The following EIF3M variants were observed in gnomAD, a reference collection of about 807,000 sequenced individuals.
EIF3M encodes the protein B5 receptor.
Under a neutral mutation model 49.7 loss-of-function variants are expected in EIF3M, and 25 were observed. That is an observed-to-expected ratio of 0.50 (90% CI 0.37 to 0.70). EIF3M has a LOEUF of 0.70. Ranked by LOEUF, EIF3M falls within the 30% of genes least tolerant of loss-of-function variation. The pLI is 0.00. For synonymous variants in EIF3M, 156 were observed against 149.8 expected (o/e 1.04, Z -0.30); for missense variants, 350 against 440.0 (o/e 0.80, Z 1.83).
rs922708015 is a variant in EIF3M at position 32,605,334 on chromosome 11, A to G, written c.*2935A>G. 1.3e-5 allele frequency: 2 copies of G among 151,870 alleles called. No homozygotes were observed. Among genetic ancestry groups the G allele is most frequent in the African/African-American group, 4.8e-5 (2 of 41,334 alleles). The allele number at this position is 151,870 out of a possible 1,614,324, so 9.4% of individuals were successfully genotyped here. On this transcript the variant is annotated 3_prime_UTR_variant, in exon 11 of 11. Coordinates refer to ENST00000531120, the MANE Select transcript of EIF3M (RefSeq NM_006360.6). ...TGATCTTTGGGGTGATTCTTTGTTC[A>G]TATTTATCTGATTGGCTTTGTTCTT...
In EIF3M at chr11:32,604,079, T is replaced by C. The variant is rs927022340; in HGVS notation, c.*1680T>C. 1 of 152,052 alleles carries C rather than the reference T, an allele frequency of 6.6e-6. No homozygotes were observed. Among genetic ancestry groups the C allele is most frequent in the African/African-American group, 2.4e-5 (1 of 41,384 alleles). The allele number at this position is 152,052 out of a possible 1,614,324, so 9.4% of individuals were successfully genotyped here. On this transcript the variant is annotated 3_prime_UTR_variant, in exon 11 of 11. Transcript: ENST00000531120. ...GAGACCCTCTCTCAAAAATAAATAA[T>C]AGATAAAACAAAAGGAATACTGAAT...
At chr11:32,594,654 GCTTA>G in intron 6 of EIF3M, 1 of 313,494 alleles carries the variant, frequency 3.2e-6, no homozygotes, top group South Asian at 5.1e-5. Context: ...TTCTGCTGCT[GCTTA>G]CTATTTGATT....
chr11:32,602,846 CTGCTTT>C lies in EIF3M; in HGVS notation c.*449_*454del. On this transcript the variant is annotated 3_prime_UTR_variant, in exon 11 of 11. Transcript: ENST00000531120. ...CTGTTGTTTTTTTCCAACGTCTCTTCTGCTTTTCTTTTCTTTGGCTGGTTGTCATTT... is the reference window on the plus strand; with the variant it reads ...CTGTTGTTTTTTTCCAACGTCTCTTCTCTTTTCTTTGGCTGGTTGTCATTT... 5 of 1,608,364 alleles carry C rather than the reference CTGCTTT, an allele frequency of 3.1e-6. No individual in the cohort carries two copies. Among genetic ancestry groups the C allele is most frequent in the Non-Finnish European group, 4.2e-6 (5 of 1,177,722 alleles).
Position 32,589,568 on chromosome 11 carries a change from T to C in EIF3M, c.460T>C (p.Trp154Arg). ...GTAGGTTAGAAAATGGATTTCTGAC[T>C]GGAATCTCACCACTGAAAAAAAGCA... ...LDQVRKWISDWNLTTEKKHTL... is the reference protein window; with the variant it reads ...LDQVRKWISDRNLTTEKKHTL... Residue 154 changes from tryptophan (W) to arginine (R), a missense_variant, in exon 5 of 11, where the codon TGG (tryptophan) becomes CGG (arginine). By Grantham distance (101) the Trp-to-Arg change is moderately radical. Coordinates refer to ENST00000531120, the MANE Select transcript of EIF3M (RefSeq NM_006360.6). 1 of 1,614,194 alleles carries C rather than the reference T, an allele frequency of 6.2e-7. No homozygotes were observed. Among genetic ancestry groups the C allele is most frequent in the South Asian group, 1.1e-5 (1 of 91,088 alleles).
At chr11:32,597,798 T>G (rs1210484334) in intron 8 of EIF3M, among the ~76,000 whole-genome samples, 2 of 152,216 alleles carry the variant, frequency 1.3e-5, no homozygotes, top group African/African-American at 4.8e-5. Context: ...AGAGATTGAT[T>G]ATATTTTCCA....
intron 8 of EIF3M, 137 bp from the exon 9 acceptor site, chr11:32,600,552 G>C: frequency 9.6e-7 from 1 of 1,044,322 alleles, no homozygotes. Context: ...TGTCAAAATT[G>C]TTCTATATAA....
At chr11:32,592,493 G>A (rs993030448) in intron 5 of EIF3M, 4 of 524,610 alleles carry the variant, frequency 7.6e-6, no homozygotes, top group African/African-American at 5.8e-5. Context: ...GGGCTTTACA[G>A]AACTCTCTCT....
intron 1 of EIF3M, among the ~76,000 whole-genome samples, chr11:32,585,812 T>C (rs1379323941): frequency 1.3e-5 from 2 of 149,678 alleles, no homozygotes; most frequent in African/African-American, 5.0e-5. Context: ...CTAAATATAC[T>C]TGGGGGTTTA....
At chr11:32,589,438 A>G (rs1382229933) in intron 4 of EIF3M, 109 bp from the exon 5 acceptor site, 1 of 1,130,316 alleles carries the variant, frequency 8.8e-7, no homozygotes, top group African/African-American at 1.6e-5. Flanking sequence ...GGCCTCCCAA[A>G]GTGCTGGGGA....
Position 32,602,596 on chromosome 11 carries a change from T to C in EIF3M, c.*197T>C. The C allele has an allele frequency of 1.3e-6, 1 of 793,304 alleles. No individual in the cohort carries two copies. 49.1% of individuals were successfully genotyped at this position (793,304 alleles called of 1,614,324 possible). A position where few individuals can be genotyped will look rare whatever the true frequency, so the allele number is the denominator to read the frequency against. Reference sequence around the variant, plus strand: ...CATACAATACATAAATTCTGTTCTTTAAAAAAGGATATTGAAGAAGCAATG... The same window carrying C: ...CATACAATACATAAATTCTGTTCTTCAAAAAAGGATATTGAAGAAGCAATG... On this transcript the variant is annotated 3_prime_UTR_variant, in exon 11 of 11. Transcript: ENST00000531120.
At position 32,602,920 on chromosome 11, in the gene EIF3M, A is replaced by C; in HGVS notation, c.*521A>C. 1 of 1,613,136 alleles carries C rather than the reference A, an allele frequency of 6.2e-7. No homozygotes were observed. On this transcript the variant is annotated 3_prime_UTR_variant, in exon 11 of 11. Transcript: ENST00000531120. ...TTCACTTTTATTTAGTTGATTCGTA[A>C]TGAGGCTCTGCCAGTCATCATCACC...
In EIF3M at chr11:32,597,658, A is replaced by G. The variant is rs372459395; in HGVS notation, c.799+1611A>G. 3.9e-5 allele frequency among the ~76,000 whole-genome samples: 6 copies of G among 152,210 alleles called. No homozygotes were observed. The East Asian group carries it at 1.2e-3, about 29-fold the overall frequency. On this transcript the variant is annotated intron_variant, in intron 8 of 10. Coordinates refer to ENST00000531120, the MANE Select transcript of EIF3M (RefSeq NM_006360.6). Reference sequence around the variant, plus strand: ...GCATGTTTTTAACATACTAAAATACAAAGAGAAAACTCAGAAAATCTGCAG... The same window carrying G: ...GCATGTTTTTAACATACTAAAATACGAAGAGAAAACTCAGAAAATCTGCAG...
rs751509568 is a variant in EIF3M, at chr11:32,587,156, AT to A, written c.175+19del. ...GGAGGATGATAAAGGTTTGTTTTTA[AT>A]TTTTTTCTAATATTTCCTAATAAAA... On this transcript the variant is annotated intron_variant, in intron 2 of 10. Transcript: ENST00000531120. 2.5e-5 allele frequency: 39 copies of A among 1,545,160 alleles called. No individual in the cohort carries two copies. The highest frequency in any genetic ancestry group is 3.2e-5 in the Non-Finnish European group (37 of 1,146,552).
intron 1 of EIF3M, among the ~76,000 whole-genome samples, chr11:32,584,607 CAAAAAA>C (rs796738414): frequency 9.6e-5 from 6 of 62,310 alleles, no homozygotes; most frequent in Non-Finnish European, 1.1e-4. Context: ...GAGTCCCTCT[CAAAAAA>C]AAAAAAAAAA....
chr11:32,593,442 C>G (rs775563316), intron 5 of EIF3M, among the ~76,000 whole-genome samples: 1 of 152,024 alleles, frequency 6.6e-6, no homozygotes, highest in Non-Finnish European at 1.5e-5. Context: ...TTTTTTGCGC[C>G]TAGGGCCTTT....
At chr11:32,599,914 T>C (rs1855235312) in intron 8 of EIF3M, among the ~76,000 whole-genome samples, 1 of 151,852 alleles carries the variant, frequency 6.6e-6, no homozygotes, top group South Asian at 2.1e-4. Flanking sequence ...TTCCTTAAGT[T>C]TTCTTCTAGG....
chr11:32,590,161 A>AT (rs1336721342), intron 5 of EIF3M, among the ~76,000 whole-genome samples: 4 of 152,200 alleles, frequency 2.6e-5, no homozygotes, highest in African/African-American at 4.8e-5. Flanking sequence ...TGGTTTTAAC[A>AT]TTTTTAAATG....
chr11:32,589,744 T>C lies in EIF3M; in HGVS notation c.533+103T>C. ...GGCCAGTAATTTTGCTTTACTCTGTTCTCCACAGAGTTGCTATAAATCTAT... is the reference window on the plus strand; with the variant it reads ...GGCCAGTAATTTTGCTTTACTCTGTCCTCCACAGAGTTGCTATAAATCTAT... On this transcript the variant is annotated intron_variant, in intron 5 of 10. Coordinates refer to ENST00000531120, the MANE Select transcript of EIF3M (RefSeq NM_006360.6). The C allele has an allele frequency of 7.0e-6, 6 of 862,362 alleles. No homozygotes were observed. The South Asian group carries it at 9.8e-5, about 14-fold the overall frequency. The allele number at this position is 862,362 out of a possible 1,614,324, so 53.4% of individuals were successfully genotyped here. A position where few individuals can be genotyped will look rare whatever the true frequency, so the allele number is the denominator to read the frequency against.
At chr11:32,585,416 C>T (rs889107911) in intron 1 of EIF3M, among the ~76,000 whole-genome samples, 23 of 152,098 alleles carry the variant, frequency 1.5e-4, no homozygotes, top group African/African-American at 5.6e-4. Flanking sequence ...GTAGACAGTC[C>T]TTTCAGGGAA....
Sources: gnomAD v4.1 joint callset for allele counts (sites outside exome capture counted in the v4.1 genomes callset) on GRCh38, gnomAD v4.1.1 for gene constraint, MANE v1.5 for transcripts, NCBI Gene and HGNC (gene_info 2026-07-23, HGNC 2026-07-21) for gene names.